The following CALN1 variants were observed in gnomAD, a reference collection of about 807,000 sequenced individuals.
The protein encoded by CALN1 is calcium-binding protein 8.
CALN1 carries 17 observed loss-of-function variants against 30.6 expected under a neutral mutation model. The observed-to-expected ratio is 0.56, with a 90% CI of 0.38 to 0.83. The LOEUF is 0.83. CALN1 is among the 40% of genes least tolerant of loss of function. The pLI is 0.00. For missense variants in CALN1, 291 were observed against 354.9 expected, an observed-to-expected ratio of 0.82 and a Z score of 1.45; for synonymous variants, 156 against 131.4, an observed-to-expected ratio of 1.19 and a Z score of -1.28.
chr7:72,175,067 C>A (rs1450187566), intron 3 of CALN1, among the ~76,000 whole-genome samples: 1 of 151,628 alleles, frequency 6.6e-6, no homozygotes, highest in African/African-American at 2.4e-5. Context: ...AACTATACCT[C>A]AATATAATCA....
rs374649001 is a variant in CALN1 at position 71,906,423 on chromosome 7, A to G, written c.502-95931T>C. Among the ~76,000 whole-genome samples the G allele has an allele frequency of 7.9e-5, 12 of 152,320 alleles. No individual in the cohort carries two copies. The East Asian group carries it at 1.9e-3, about 25-fold the overall frequency. ...GAGATGCAGATGGAATTCATAATTT[A>G]GGGAGAAATATAGTAGTCACTAGAG... On this transcript the variant is annotated intron_variant, in intron 5 of 6. Transcript: ENST00000395275.
chr7:71,944,543 G>A lies in CALN1; in HGVS notation c.501+79114C>T, dbSNP rs1399214312. On this transcript the variant is annotated intron_variant, in intron 5 of 6. Coordinates refer to ENST00000395275, the MANE Select transcript of CALN1 (RefSeq NM_031468.4). ...TGGGAGGCAGAGGTTGCAGTGAGCC[G>A]AAATCGTGCCATTGCACTCCAGCCT... is the stretch of plus-strand genomic sequence containing the variant. Among the ~76,000 whole-genome samples the A allele has an allele frequency of 5.9e-5, 7 of 118,196 alleles. No homozygotes were observed. The Admixed American group carries it at 7.6e-4, about 13-fold the overall frequency. 77.5% of individuals were successfully genotyped at this position (118,196 alleles called of 152,430 possible).
intron 2 of CALN1, among the ~76,000 whole-genome samples, chr7:72,292,593 G>A (rs911756744): frequency 6.6e-6 from 1 of 151,580 alleles, no homozygotes; most frequent in Non-Finnish European, 1.5e-5. Context: ...GGCCAAGGCA[G>A]GTGGATCACT....
At chr7:72,209,326 CTCTT>C (rs752045344) in intron 3 of CALN1, among the ~76,000 whole-genome samples, 56 of 3,908 alleles carry the variant, frequency 0.014, no homozygotes, top group Non-Finnish European at 0.016. Context: ...CCCTCCTTCC[CTCTT>C]TCCTTCCCTC....
chr7:72,360,645 G>A (rs1233434163), intron 2 of CALN1, among the ~76,000 whole-genome samples: 1 of 145,842 alleles, frequency 6.9e-6, no homozygotes, highest in Non-Finnish European at 1.5e-5. Context: ...GGGTACACGT[G>A]CACAACGTGC....
chr7:72,170,257 G>C (rs1312651928), intron 3 of CALN1, among the ~76,000 whole-genome samples: 1 of 152,142 alleles, frequency 6.6e-6, no homozygotes, highest in Admixed American at 6.5e-5. Context: ...GGGACTACAG[G>C]TGTGTGCCAT....
the CALN1 span, among the ~76,000 whole-genome samples, chr7:72,465,724 T>C: frequency 3.3e-5 from 5 of 152,090 alleles, no homozygotes; most frequent in African/African-American, 1.2e-4. Context: ...GGTCTGCGGG[T>C]AGGAGATTAA....
rs141512316 is a variant in CALN1 at position 72,251,366 on chromosome 7, C to T, written c.244+27320G>A. Among the ~76,000 whole-genome samples, 717 of 152,146 alleles carry T rather than the reference C, an allele frequency of 4.7e-3. 4 individuals carry two copies. Among genetic ancestry groups the T allele is most frequent in the African/African-American group, 0.015 (641 of 41,518 alleles). On this transcript the variant is annotated intron_variant, in intron 3 of 6. Coordinates refer to ENST00000395275, the MANE Select transcript of CALN1 (RefSeq NM_031468.4). ...CCTTCCTCTGTCTGAGCAGTTACAC[C>T]GGGACATTCTTTCTCTTTCCTCTGA...
chr7:71,989,814 T>TA (rs1277258487), intron 5 of CALN1, among the ~76,000 whole-genome samples: 6 of 151,854 alleles, frequency 4.0e-5, no homozygotes, highest in African/African-American at 7.2e-5. Context: ...CTTAGTGTCT[T>TA]AAAAAAAATC....
chr7:72,089,999 CT>C (rs1462981698), intron 4 of CALN1, among the ~76,000 whole-genome samples: 1 of 152,146 alleles, frequency 6.6e-6, no homozygotes, highest in African/African-American at 2.4e-5. Context: ...GTTATACTTA[CT>C]TTGCATAATG....
At chr7:72,418,375 C>G (rs899325171) in intron 1 of CALN1, among the ~76,000 whole-genome samples, 1 of 152,180 alleles carries the variant, frequency 6.6e-6, no homozygotes, top group African/African-American at 2.4e-5. Context: ...GAATGATGGG[C>G]ACCTACGTCG....
At chr7:72,278,864 C>G in intron 2 of CALN1, 54 bp from the exon 3 acceptor site, 1 of 1,574,654 alleles carries the variant, frequency 6.4e-7, no homozygotes, top group South Asian at 1.1e-5. Flanking sequence ...ATTCATTCTT[C>G]CTTTCCTTTC....
At chr7:72,306,601 A>ACTGTTC (rs998221322) in intron 2 of CALN1, among the ~76,000 whole-genome samples, 1 of 151,172 alleles carries the variant, frequency 6.6e-6, no homozygotes. Flanking sequence ...AAGCTTTTAA[A>ACTGTTC]TAAACTCTCA....
chr7:72,213,964 G>T (rs1353365382), intron 3 of CALN1, among the ~76,000 whole-genome samples: 1 of 152,186 alleles, frequency 6.6e-6, no homozygotes, highest in Non-Finnish European at 1.5e-5. Context: ...GTGGAGTAGA[G>T]ACCCCTGCAG....
chr7:72,169,493 T>TA lies in CALN1; in HGVS notation c.245-63200_245-63199insT, dbSNP rs1563117055. On this transcript the variant is annotated intron_variant, in intron 3 of 6. Transcript: ENST00000395275. ...TGCCACCACACCCAGCTGATTATTTTTTTTTTTTTTTCAGATACAGAATCT... is the reference window on the plus strand; with the variant it reads ...TGCCACCACACCCAGCTGATTATTTTATTTTTTTTTTTCAGATACAGAATCT... Among the ~76,000 whole-genome samples, 421 of 127,160 alleles carry TA rather than the reference T, an allele frequency of 3.3e-3. 4 individuals are homozygous for TA. Among genetic ancestry groups the TA allele is most frequent in the African/African-American group, 0.01 (384 of 36,968 alleles). The allele number at this position is 127,160 out of a possible 152,430, so 83.4% of individuals were successfully genotyped here. A position where few individuals can be genotyped will look rare whatever the true frequency, so the allele number is the denominator to read the frequency against.
chr7:72,050,656 T>C (rs934919687), intron 4 of CALN1, among the ~76,000 whole-genome samples: 1 of 152,194 alleles, frequency 6.6e-6, no homozygotes, highest in Non-Finnish European at 1.5e-5. Context: ...CTCAAATATG[T>C]AAGTATTAAT....
chr7:72,448,661 T>C (rs1452101668), upstream of CALN1, among the ~76,000 whole-genome samples: 1 of 152,048 alleles, frequency 6.6e-6, no homozygotes, highest in South Asian at 2.1e-4. Context: ...GCTGGAGTGC[T>C]GTGGCGTGGT....
chr7:71,792,425 G>A lies in CALN1; in HGVS notation c.659-4523C>T, dbSNP rs1003304408. ...CCACTGATTTCTGCTTCCCTGGGGC[G>A]ATTTAAAGTATATGTGGCTCAGCTT... On this transcript the variant is annotated intron_variant, in intron 6 of 6. Coordinates refer to ENST00000395275, the MANE Select transcript of CALN1 (RefSeq NM_031468.4). 3.3e-5 allele frequency among the ~76,000 whole-genome samples: 5 copies of A among 152,106 alleles called. 1 individual carries two copies. Among genetic ancestry groups the A allele is most frequent in the African/African-American group, 4.8e-5 (2 of 41,420 alleles).
chr7:72,290,696 CCT>C (rs1024381975), intron 2 of CALN1, among the ~76,000 whole-genome samples: 1 of 152,058 alleles, frequency 6.6e-6, no homozygotes, highest in African/African-American at 2.4e-5. Flanking sequence ...CACATTTTTA[CCT>C]CTCTGTGTAT....
Sources: gnomAD v4.1 joint callset for allele counts (sites outside exome capture counted in the v4.1 genomes callset) on GRCh38, gnomAD v4.1.1 for gene constraint, MANE v1.5 for transcripts, NCBI Gene and HGNC (gene_info 2026-07-23, HGNC 2026-07-21) for gene names.